Variants in PCDHGA5 observed in about 807,000 individuals in gnomAD.
PCDHGA5 encodes protocadherin gamma subfamily A, 5, also known as protocadherin gamma-A5.
In PCDHGA5, 36 loss-of-function variants were observed where a neutral mutation model predicts 56.7. The ratio of observed to expected loss-of-function variants is 0.64; its 90% CI spans 0.49 to 0.84. PCDHGA5 has a LOEUF of 0.84. Ranked by LOEUF, PCDHGA5 falls within the 40% of genes least tolerant of loss-of-function variation. The pLI is 0.00. For missense variants in PCDHGA5, 1,305 were observed against 1,201.5 expected, an observed-to-expected ratio of 1.09 and a Z score of -1.27; for synonymous variants, 563 against 520.2, an observed-to-expected ratio of 1.08 and a Z score of -1.12.
intron 1 of PCDHGA5, among the ~76,000 whole-genome samples, chr5:141,455,603 C>T (rs1433078116): frequency 3.3e-5 from 5 of 152,190 alleles, no homozygotes; most frequent in Admixed American, 2.6e-4. Context: ...CGTAGGGCGC[C>T]ATGGATGTTC....
Position 141,486,775 on chromosome 5 carries a change from G to A in PCDHGA5, c.2422-8032G>A, listed in dbSNP as rs2099634725. On this transcript the variant is annotated intron_variant, in intron 1 of 3. Coordinates refer to ENST00000518069, the MANE Select transcript of PCDHGA5 (RefSeq NM_018918.3). This position sits in a 1 kb window ranked among gnomAD's most constrained non-coding sequence, Gnocchi z 5.0. ...AGCAAACCCAGACACTGCAGTTTGA[G>A]GTGCAGGCCCGGGATCGGGGCAACC... 7 of 1,614,122 alleles carry A rather than the reference G, an allele frequency of 4.3e-6. No individual in the cohort carries two copies. Among genetic ancestry groups the A allele is most frequent in the Non-Finnish European group, 5.9e-6 (7 of 1,180,060 alleles).
In PCDHGA5 at chr5:141,413,182, G is replaced by C. The variant is rs752788034; in HGVS notation, c.2421+46431G>C. On this transcript the variant is annotated intron_variant, in intron 1 of 3. Transcript: ENST00000518069. ...ATTCTGTAACCAGACTACAATGGCCGCTCAAAGGAATCGCTCAAAGGAATC... is the reference window on the plus strand; with the variant it reads ...ATTCTGTAACCAGACTACAATGGCCCCTCAAAGGAATCGCTCAAAGGAATC... 3.1e-6 allele frequency: 5 copies of C among 1,604,164 alleles called. No homozygotes were observed. In the South Asian group the frequency reaches 5.5e-5, roughly 18 times the overall value.
In PCDHGA5 at chr5:141,401,291, G is replaced by A. The variant is rs565015907; in HGVS notation, c.2421+34540G>A. On this transcript the variant is annotated intron_variant, in intron 1 of 3. Transcript: ENST00000518069. ...TGGCAGGTGGAGGTTGCGGTGAGCC[G>A]AGATCACTCCATTGCATTCCAGCCT... is the stretch of plus-strand genomic sequence containing the variant. Among the ~76,000 whole-genome samples the A allele has an allele frequency of 8.5e-5, 13 of 152,194 alleles. No individual in the cohort carries two copies. The South Asian group carries it at 2.5e-3, about 29-fold the overall frequency.
At chr5:141,456,936 C>G (rs1012944904) in intron 1 of PCDHGA5, among the ~76,000 whole-genome samples, 20 of 152,190 alleles carry the variant, frequency 1.3e-4, no homozygotes, top group African/African-American at 4.3e-4. Context: ...GCACTCCAGC[C>G]TGGGCAACAG....
chr5:141,466,947 A>C (rs2099132734), intron 1 of PCDHGA5, among the ~76,000 whole-genome samples: 1 of 152,126 alleles, frequency 6.6e-6, no homozygotes, highest in South Asian at 2.1e-4. Context: ...TGTCCAGTAA[A>C]CAGACTGCAA....
chr5:141,442,779 A>G (rs1453800627), intron 1 of PCDHGA5, among the ~76,000 whole-genome samples: 1 of 152,160 alleles, frequency 6.6e-6, no homozygotes, highest in Non-Finnish European at 1.5e-5. Context: ...GTTTGATTAT[A>G]TTTTATAATT....
chr5:141,376,273 T>C (rs765392169), intron 1 of PCDHGA5: 25 of 1,613,968 alleles, frequency 1.5e-5, no homozygotes, highest in Non-Finnish European at 1.9e-5. Context: ...CTTCGGGAGG[T>C]GGCTTAGCGA....
chr5:141,506,209 G>A (rs549403288), intron 3 of PCDHGA5, among the ~76,000 whole-genome samples: 3 of 152,284 alleles, frequency 2.0e-5, no homozygotes, highest in African/African-American at 7.2e-5. Context: ...CCAGCACTTT[G>A]GGAAGCTGAG....
intron 1 of PCDHGA5, chr5:141,371,620 C>T (rs748176272): frequency 1.9e-6 from 3 of 1,613,992 alleles, no homozygotes; most frequent in East Asian, 2.2e-5. Context: ...ACAGATGGAG[C>T]CCTGGACCGG....
chr5:141,491,662 A>C lies in PCDHGA5; in HGVS notation c.2422-3145A>C. 2 of 1,613,770 alleles carry C rather than the reference A, an allele frequency of 1.2e-6. No homozygotes were observed. The highest frequency in any genetic ancestry group is 1.7e-6 in the Non-Finnish European group (2 of 1,180,018). ...AGCTCTGGCGCTGGAGCCTGACGCC[A>C]TCCGGTCCCGCTCTAATACGCTGCG... On this transcript the variant is annotated intron_variant, in intron 1 of 3. Coordinates refer to ENST00000518069, the MANE Select transcript of PCDHGA5 (RefSeq NM_018918.3). This position sits in a 1 kb window ranked among gnomAD's most constrained non-coding sequence, Gnocchi z 6.9.
At chr5:141,393,337 A>G (rs556749112) in intron 1 of PCDHGA5, 28 of 1,613,772 alleles carry the variant, frequency 1.7e-5, no homozygotes, top group African/African-American at 5.3e-5. Flanking sequence ...CTCAGCCCCA[A>G]TCACCACTTC....
At chr5:141,453,780 C>T (rs1330142662) in intron 1 of PCDHGA5, among the ~76,000 whole-genome samples, 3 of 152,090 alleles carry the variant, frequency 2.0e-5, no homozygotes, top group African/African-American at 4.8e-5. Flanking sequence ...TTTTAGTTAC[C>T]ATGGTATATT....
Position 141,490,732 on chromosome 5 carries a change from G to A in PCDHGA5, c.2422-4075G>A, listed in dbSNP as rs775388969. 6.2e-6 allele frequency: 10 copies of A among 1,614,188 alleles called. No homozygotes were observed. The highest frequency in any genetic ancestry group is 8.5e-6 in the Non-Finnish European group (10 of 1,180,042). ...CACCTACTCCATTGTAGGAAATCAG[G>A]TTCAGGGAGCCCCAGCCTCCTCCTT... On this transcript the variant is annotated intron_variant, in intron 1 of 3. Transcript: ENST00000518069. This position sits in a 1 kb window ranked among gnomAD's most constrained non-coding sequence, Gnocchi z 5.4.
intron 1 of PCDHGA5, among the ~76,000 whole-genome samples, chr5:141,439,391 G>A (rs880080): frequency 0.036 from 5,494 of 152,210 alleles, 123 homozygotes; most frequent in South Asian, 0.078. Context: ...TCATCACTTC[G>A]ACTTCATGTG....
chr5:141,364,578 G>C lies in PCDHGA5; in HGVS notation c.248G>C (p.Ser83Thr). The C allele has an allele frequency of 6.2e-7, 1 of 1,614,212 alleles. No individual in the cohort carries two copies. The highest frequency in any genetic ancestry group is 8.5e-7 in the Non-Finnish European group (1 of 1,180,000). ...TTTGCCCTGAACCCGCGAAGCGGCA[G>C]CTTGGTCACCGCGGGCAGGATAGAC... is the stretch of plus-strand genomic sequence containing the variant. ...QLFALNPRSG[S>T]LVTAGRIDRE... The change falls in exon 1 of 4, where the codon AGC becomes ACC. Residue 83 changes from serine to threonine, a missense_variant. By Grantham distance (58) the Ser-to-Thr change is moderately conservative. Transcript: ENST00000518069.
In PCDHGA5 at chr5:141,418,449, A is replaced by G. The variant is rs781224972; in HGVS notation, c.2421+51698A>G. ...GGCAAATATCCAGAATTAGTATTGC[A>G]GAAGACTCTGGACCGAGAAACGCAG... On this transcript the variant is annotated intron_variant, in intron 1 of 3. Coordinates refer to ENST00000518069, the MANE Select transcript of PCDHGA5 (RefSeq NM_018918.3). 8.1e-6 allele frequency: 13 copies of G among 1,613,922 alleles called. No homozygotes were observed. The Admixed American group carries it at 1.2e-4, about 14-fold the overall frequency.
At chr5:141,414,587 G>A (rs775783880) in intron 1 of PCDHGA5, 5 of 1,613,828 alleles carry the variant, frequency 3.1e-6, no homozygotes, top group Non-Finnish European at 8.5e-7. Context: ...AACAACGCCA[G>A]GGGTGCCTCC....
At chr5:141,467,748 G>A (rs186276272) in intron 1 of PCDHGA5, among the ~76,000 whole-genome samples, 22 of 151,912 alleles carry the variant, frequency 1.4e-4, no homozygotes, top group South Asian at 2.1e-4. Context: ...TGCAACCTCC[G>A]CCTCACATGC....
chr5:141,376,050 C>G (rs1342484281), intron 1 of PCDHGA5: 4 of 1,613,234 alleles, frequency 2.5e-6, no homozygotes, highest in Non-Finnish European at 3.4e-6. Flanking sequence ...CCTCTCTCCG[C>G]CACTGTCACG....
Sources: gnomAD v4.1 joint callset for allele counts (sites outside exome capture counted in the v4.1 genomes callset) on GRCh38, gnomAD v4.1.1 for gene constraint, Gnocchi (gnomAD v3.1) non-coding constraint, MANE v1.5 for transcripts, NCBI Gene and HGNC (gene_info 2026-07-23, HGNC 2026-07-21) for gene names.